PHKB: variants seen among roughly 807,000 people sequenced by gnomAD.
The protein encoded by PHKB is phosphorylase kinase regulatory subunit beta.
In PHKB, 122 loss-of-function variants were observed where a neutral mutation model predicts 152.1. The ratio of observed to expected loss-of-function variants is 0.80; its 90% CI spans 0.69 to 0.93. The LOEUF (loss-of-function observed/expected upper bound fraction) is 0.93, where lower values mean the gene tolerates loss of function less well. PHKB is among the 40% of genes least tolerant of loss of function. PHKB has a pLI of 0.00. For synonymous variants in PHKB, 436 were observed against 464.9 expected, an observed-to-expected ratio of 0.94 and a Z score of 0.80; for missense variants, 1,304 against 1,328.4, an observed-to-expected ratio of 0.98 and a Z score of 0.29.
chr16:47,523,070 C>T (rs1274015614), intron 6 of PHKB, among the ~76,000 whole-genome samples: 1 of 151,420 alleles, frequency 6.6e-6, no homozygotes, highest in East Asian at 1.9e-4. Flanking sequence ...TTTCCTTCAG[C>T]CCTTTGAGCA....
intron 7 of PHKB, chr16:47,561,853 C>A (rs1971481072): frequency 6.6e-6 from 1 of 152,160 alleles, no homozygotes; most frequent in Admixed American, 6.5e-5. Context: ...ACTTTATCTG[C>A]AGAATTTAGT....
chr16:47,478,588 T>TA lies in PHKB; in HGVS notation c.76+17171dup, dbSNP rs199797598. Among the ~76,000 whole-genome samples, 406 of 151,088 alleles carry TA rather than the reference T, an allele frequency of 2.7e-3. 1 individual carries two copies. The highest frequency in any genetic ancestry group is 4.4e-3 in the Non-Finnish European group (296 of 67,708). On this transcript the variant is annotated intron_variant, in intron 1 of 30. Coordinates refer to ENST00000323584, the MANE Select transcript of PHKB (RefSeq NM_000293.3). ...CTTGGTTAAGTTACTAAACCCCATT[T>TA]AAAAAAAAATCTTTAGAATGATAAT... is the stretch of plus-strand genomic sequence containing the variant.
chr16:47,527,835 G>A (rs1446790539), intron 6 of PHKB, among the ~76,000 whole-genome samples: 1 of 152,172 alleles, frequency 6.6e-6, no homozygotes, highest in Non-Finnish European at 1.5e-5. Flanking sequence ...AGGGGTGTGT[G>A]TGCACAAAGG....
At chr16:47,499,939 A>G (rs1294968579) in intron 3 of PHKB, 45 bp downstream of exon 3, 4 of 1,609,268 alleles carry the variant, frequency 2.5e-6, no homozygotes, top group African/African-American at 1.3e-5. Flanking sequence ...AGTGGATAAT[A>G]GGGTTTTGTA....
At chr16:47,566,867 C>A (rs1338630916) in intron 7 of PHKB, 6 of 701,452 alleles carry the variant, frequency 8.6e-6, no homozygotes, top group African/African-American at 3.5e-5. Flanking sequence ...TCTTCCCCTT[C>A]TTATTCTTCT....
At chr16:47,485,335 G>T (rs1050320214) in intron 1 of PHKB, among the ~76,000 whole-genome samples, 1 of 152,158 alleles carries the variant, frequency 6.6e-6, no homozygotes, top group Non-Finnish European at 1.5e-5. Context: ...GATGCTCACA[G>T]TGCTGAATCT....
chr16:47,699,144 T>C, intron 30 of PHKB, 85 bp from the exon 31 acceptor site: 1 of 1,257,916 alleles, frequency 7.9e-7, no homozygotes, highest in South Asian at 1.2e-5. Context: ...TGAATTTATT[T>C]TTCCCCCTAA....
intron 14 of PHKB, among the ~76,000 whole-genome samples, chr16:47,638,847 G>A (rs1035602484): frequency 6.6e-6 from 1 of 151,788 alleles, no homozygotes; most frequent in Non-Finnish European, 1.5e-5. Context: ...GTGTATATAC[G>A]TGTGTGTGTG....
At chr16:47,485,055 A>G in intron 1 of PHKB, among the ~76,000 whole-genome samples, 1 of 152,192 alleles carries the variant, frequency 6.6e-6, no homozygotes, top group East Asian at 1.9e-4. Context: ...TTCAACACCT[A>G]GGATCATGCT....
intron 7 of PHKB, among the ~76,000 whole-genome samples, chr16:47,569,170 G>A (rs1471290596): frequency 6.6e-6 from 1 of 152,160 alleles, no homozygotes; most frequent in Admixed American, 6.5e-5. Context: ...CTTAGGTCTA[G>A]CAGAATTTGT....
chr16:47,617,830 G>GAAGACTCTTATCAC (rs1972546116), intron 14 of PHKB, among the ~76,000 whole-genome samples: 1 of 152,208 alleles, frequency 6.6e-6, no homozygotes, highest in Non-Finnish European at 1.5e-5. Flanking sequence ...TGGGAACAAA[G>GAAGACTCTTATCAC]AAGACTCTTA....
At chr16:47,479,963 T>C (rs1969935741) in intron 1 of PHKB, among the ~76,000 whole-genome samples, 1 of 152,182 alleles carries the variant, frequency 6.6e-6, no homozygotes, top group Non-Finnish European at 1.5e-5. Context: ...CTGAACCCAC[T>C]TCAGGGTTCC....
chr16:47,462,799 C>T (rs1264483823), intron 1 of PHKB: 1 of 150,152 alleles, frequency 6.7e-6, no homozygotes, highest in African/African-American at 2.5e-5. Flanking sequence ...AATCATACAC[C>T]GAACACTCTG....
At chr16:47,620,128 T>G (rs1972591546) in intron 14 of PHKB, among the ~76,000 whole-genome samples, 1 of 152,234 alleles carries the variant, frequency 6.6e-6, no homozygotes, top group African/African-American at 2.4e-5. Flanking sequence ...TAAACCAATT[T>G]AAGAAAAATT....
At chr16:47,649,400 A>C (rs1973194679) in intron 18 of PHKB, among the ~76,000 whole-genome samples, 196 bp downstream of exon 18, 1 of 152,206 alleles carries the variant, frequency 6.6e-6, no homozygotes, top group Non-Finnish European at 1.5e-5. Flanking sequence ...ACCTCGTCTT[A>C]TATACAGTTG....
intron 1 of PHKB, among the ~76,000 whole-genome samples, chr16:47,472,560 A>T (rs1387705567): frequency 6.6e-6 from 1 of 152,100 alleles, no homozygotes; most frequent in African/African-American, 2.4e-5. Context: ...AGACGGGCGG[A>T]TCACGAGATC....
intron 18 of PHKB, among the ~76,000 whole-genome samples, chr16:47,649,639 GA>G (rs1336408963): frequency 6.6e-6 from 1 of 152,140 alleles, no homozygotes; most frequent in Non-Finnish European, 1.5e-5. Flanking sequence ...GAGAAGGTTA[GA>G]ATCATGATTT....
chr16:47,574,231 G>A (rs1971712747), intron 7 of PHKB, among the ~76,000 whole-genome samples: 1 of 152,058 alleles, frequency 6.6e-6, no homozygotes, highest in Non-Finnish European at 1.5e-5. Flanking sequence ...GCTCCTTGTG[G>A]CTCACCAAAT....
intron 7 of PHKB, among the ~76,000 whole-genome samples, chr16:47,567,110 T>A (rs556028517): frequency 6.6e-6 from 1 of 152,194 alleles, no homozygotes; most frequent in African/African-American, 2.4e-5. Flanking sequence ...TAGGATTGTT[T>A]TTTTCTAAAT....
Sources: gnomAD v4.1 joint callset for allele counts (sites outside exome capture counted in the v4.1 genomes callset) on GRCh38, gnomAD v4.1.1 for gene constraint, MANE v1.5 for transcripts, NCBI Gene and HGNC (gene_info 2026-07-23, HGNC 2026-07-21) for gene names.